The following SH3BP4 variants were observed in gnomAD, a reference collection of about 807,000 sequenced individuals.
SH3BP4 encodes SH3 domain binding protein 4.
Under a neutral mutation model 65.5 loss-of-function variants are expected in SH3BP4, and 33 were observed. The ratio of observed to expected loss-of-function variants is 0.50; its 90% CI spans 0.38 to 0.67. The LOEUF (loss-of-function observed/expected upper bound fraction) is 0.67, where lower values mean the gene tolerates loss of function less well. Ranked by LOEUF, SH3BP4 falls within the 30% of genes least tolerant of loss-of-function variation. SH3BP4 has a pLI of 0.00. For synonymous variants in SH3BP4, 552 were observed against 545.5 expected (o/e 1.01, Z -0.17); for missense variants, 1,134 against 1,261.4 (o/e 0.90, Z 1.53).
intron 2 of SH3BP4, among the ~76,000 whole-genome samples, chr2:235,014,769 A>G (rs1041580104): frequency 3.3e-5 from 5 of 152,106 alleles, no homozygotes; most frequent in Non-Finnish European, 7.4e-5. Flanking sequence ...TGCCAGTCCT[A>G]TTGGATTAGG....
intron 2 of SH3BP4, among the ~76,000 whole-genome samples, chr2:235,020,057 G>T (rs1248461068): frequency 6.6e-6 from 1 of 152,122 alleles, no homozygotes; most frequent in Non-Finnish European, 1.5e-5. Context: ...TCTTCTTTGC[G>T]ACATAAGAGA....
chr2:234,969,314 T>G (rs1283960110), intron 1 of SH3BP4, among the ~76,000 whole-genome samples: 1 of 152,212 alleles, frequency 6.6e-6, no homozygotes, highest in Admixed American at 6.5e-5. Context: ...CGGTAGAGTC[T>G]GGGTCTATGC....
chr2:235,034,452 T>C lies in SH3BP4; in HGVS notation c.-132-419T>C, dbSNP rs1217709798. Reference sequence around the variant, plus strand: ...GTCACCATGATGACTGCCCCTGCGCTGGGATCAGCCACTCTGAACAAGCAG... The same window carrying C: ...GTCACCATGATGACTGCCCCTGCGCCGGGATCAGCCACTCTGAACAAGCAG... On this transcript the variant is annotated intron_variant, in intron 2 of 5. Coordinates refer to ENST00000392011, the MANE Select transcript of SH3BP4 (RefSeq NM_014521.3). The surrounding 1 kb of genome is among the most constrained non-coding windows in gnomAD (Gnocchi z 6.2). Among the ~76,000 whole-genome samples the C allele has an allele frequency of 6.6e-6, 1 of 152,128 alleles. No individual in the cohort carries two copies. Among genetic ancestry groups the C allele is most frequent in the East Asian group, 1.9e-4 (1 of 5,174 alleles).
intron 3 of SH3BP4, among the ~76,000 whole-genome samples, chr2:235,036,169 C>T (rs1262830223): frequency 6.6e-6 from 1 of 152,234 alleles, no homozygotes; most frequent in Non-Finnish European, 1.5e-5. Context: ...TTATCCCAAA[C>T]ATCTTCTCCC....
chr2:235,030,602 G>C lies in SH3BP4; in HGVS notation c.-132-4269G>C, dbSNP rs1695154456. Among the ~76,000 whole-genome samples, 1 of 152,142 alleles carries C rather than the reference G, an allele frequency of 6.6e-6. No homozygotes were observed. The highest frequency in any genetic ancestry group is 2.4e-5 in the African/African-American group (1 of 41,434). On this transcript the variant is annotated intron_variant, in intron 2 of 5. Coordinates refer to ENST00000392011, the MANE Select transcript of SH3BP4 (RefSeq NM_014521.3). The surrounding 1 kb of genome is among the most constrained non-coding windows in gnomAD (Gnocchi z 4.1). ...GATTGAGAGGTTATCACCCAGAGGT[G>C]GCCAGTGAGCGTGGCCACACCAGGC...
chr2:234,988,784 C>T (rs564284605), intron 1 of SH3BP4, among the ~76,000 whole-genome samples: 5 of 152,292 alleles, frequency 3.3e-5, no homozygotes, highest in Non-Finnish European at 5.9e-5. Context: ...TCTCAACGCC[C>T]CTCCTCCATT....
chr2:234,975,412 CT>C (rs1693139346), intron 1 of SH3BP4, among the ~76,000 whole-genome samples: 1 of 152,160 alleles, frequency 6.6e-6, no homozygotes, highest in South Asian at 2.1e-4. Flanking sequence ...CACAGTGTCC[CT>C]TACCTCCAGC....
intron 2 of SH3BP4, among the ~76,000 whole-genome samples, chr2:235,003,874 G>A (rs928480907): frequency 6.6e-5 from 10 of 152,196 alleles, no homozygotes; most frequent in Non-Finnish European, 1.0e-4. Context: ...GTCTGTTCCT[G>A]TTTTTTCTTA....
intron 2 of SH3BP4, among the ~76,000 whole-genome samples, chr2:234,998,669 G>A (rs148426097): frequency 6.8e-4 from 103 of 152,296 alleles, no homozygotes; most frequent in African/African-American, 2.3e-3. Flanking sequence ...TCAAAACTTC[G>A]TCATCACCCT....
intron 1 of SH3BP4, among the ~76,000 whole-genome samples, chr2:234,954,236 A>G (rs1030562472): frequency 1.3e-5 from 2 of 152,120 alleles, no homozygotes; most frequent in Admixed American, 6.6e-5. Flanking sequence ...AACCCATGCC[A>G]TTTGTTAATT....
At chr2:234,959,362 T>G (rs890499705) in intron 1 of SH3BP4, among the ~76,000 whole-genome samples, 1 of 128,518 alleles carries the variant, frequency 7.8e-6, no homozygotes, top group Non-Finnish European at 1.8e-5. Flanking sequence ...GCCCAGTGCA[T>G]GAAAGAGCTG....
rs1229500049 is a variant in SH3BP4, at chr2:235,030,190, A to AG, written c.-132-4678dup. On this transcript the variant is annotated intron_variant, in intron 2 of 5. Transcript: ENST00000392011. This position sits in a 1 kb window ranked among gnomAD's most constrained non-coding sequence, Gnocchi z 4.1. ...CAGCAGCATGGCTTTGAGAAAATCAAGGGCTCACCAGAGGTGGATGGTGAG... is the reference window on the plus strand; with the variant it reads ...CAGCAGCATGGCTTTGAGAAAATCAAGGGGCTCACCAGAGGTGGATGGTGAG... Among the ~76,000 whole-genome samples, 2 of 152,110 alleles carry AG rather than the reference A, an allele frequency of 1.3e-5. No individual in the cohort carries two copies. Among genetic ancestry groups the AG allele is most frequent in the Non-Finnish European group, 2.9e-5 (2 of 68,012 alleles).
At position 235,035,203 on chromosome 2, in the gene SH3BP4, A is replaced by C. The variant is rs1695339809; in HGVS notation, c.118+83A>C. The C allele has an allele frequency of 1.0e-6, 1 of 982,408 alleles. No homozygotes were observed. Among genetic ancestry groups the C allele is most frequent in the African/African-American group, 1.6e-5 (1 of 62,452 alleles). 60.9% of individuals were successfully genotyped at this position (982,408 alleles called of 1,614,324 possible). A position where few individuals can be genotyped will look rare whatever the true frequency, so the allele number is the denominator to read the frequency against. ...GGATCCAAGAACTTTTCTGCTTTAAAGATTGCCAGTTTAGCATTCAGATAG... is the reference window on the plus strand; with the variant it reads ...GGATCCAAGAACTTTTCTGCTTTAACGATTGCCAGTTTAGCATTCAGATAG... On this transcript the variant is annotated intron_variant, in intron 3 of 5. Coordinates refer to ENST00000392011, the MANE Select transcript of SH3BP4 (RefSeq NM_014521.3). This position sits in a 1 kb window ranked among gnomAD's most constrained non-coding sequence, Gnocchi z 5.0.
chr2:234,962,456 AT>A (rs745803170), intron 1 of SH3BP4, among the ~76,000 whole-genome samples: 69 of 152,112 alleles, frequency 4.5e-4, no homozygotes, highest in Non-Finnish European at 6.8e-4. Context: ...TCCAAAAAAA[AT>A]AATAATAAAA....
chr2:235,016,222 C>T (rs1397967354), intron 2 of SH3BP4, among the ~76,000 whole-genome samples: 1 of 151,942 alleles, frequency 6.6e-6, no homozygotes, highest in East Asian at 1.9e-4. Flanking sequence ...ATGGACGTAA[C>T]CACATGGACA....
rs1472209908 is a variant in SH3BP4 at position 235,046,880 on chromosome 2, T to C, written c.2478+3633T>C. The stretch of plus-strand genomic sequence containing the variant: ...CCTCTTTCCATTCTTTTTGTGCCTG[T>C]TTTTGATAGAGTCCGTGTGTGAGGC... On this transcript the variant is annotated intron_variant, in intron 4 of 5. Coordinates refer to ENST00000392011, the MANE Select transcript of SH3BP4 (RefSeq NM_014521.3). The surrounding 1 kb of genome is among the most constrained non-coding windows in gnomAD (Gnocchi z 4.2). Among the ~76,000 whole-genome samples, 1 of 152,180 alleles carries C rather than the reference T, an allele frequency of 6.6e-6. No individual in the cohort carries two copies. The highest frequency in any genetic ancestry group is 1.5e-5 in the Non-Finnish European group (1 of 68,034).
At chr2:235,008,168 G>A (rs1694360795) in intron 2 of SH3BP4, among the ~76,000 whole-genome samples, 1 of 152,190 alleles carries the variant, frequency 6.6e-6, no homozygotes, top group Non-Finnish European at 1.5e-5. Context: ...CCGGAGAGGT[G>A]TGGCACAGCT....
At chr2:234,964,799 G>A (rs776428297) in intron 1 of SH3BP4, among the ~76,000 whole-genome samples, 3 of 152,132 alleles carry the variant, frequency 2.0e-5, no homozygotes, top group Non-Finnish European at 2.9e-5. Flanking sequence ...GTATCTAAGG[G>A]CACCAAGAAG....
chr2:235,042,890 C>T lies in SH3BP4; in HGVS notation c.2121C>T (p.Tyr707=). Residue 707 remains tyrosine (Y), a synonymous_variant, in exon 4 of 6, where the codon TAC becomes TAT. Transcript: ENST00000392011. The surrounding 1 kb of genome is among the most constrained non-coding windows in gnomAD (Gnocchi z 7.3). ...CCAAGGAGTGGTACATCGGCTACTA[C>T]CAGGGCAGGGTGGGCCTCGTGCACA... The part of the protein sequence containing the change: ...LWTKEWYIGY[Y]QGRVGLVHTK... The T allele has an allele frequency of 6.2e-7, 1 of 1,613,514 alleles. No homozygotes were observed. Among genetic ancestry groups the T allele is most frequent in the Non-Finnish European group, 8.5e-7 (1 of 1,179,952 alleles).
Sources: gnomAD v4.1 joint callset for allele counts (sites outside exome capture counted in the v4.1 genomes callset) on GRCh38, gnomAD v4.1.1 for gene constraint, Gnocchi (gnomAD v3.1) non-coding constraint, MANE v1.5 for transcripts, NCBI Gene and HGNC (gene_info 2026-07-23, HGNC 2026-07-21) for gene names.